The following SHISA9 variants were observed in gnomAD, a reference collection of about 807,000 sequenced individuals.
SHISA9 encodes shisa family member 9.
In SHISA9, 13 loss-of-function variants were observed where a neutral mutation model predicts 38.0. That is an observed-to-expected ratio of 0.34 (90% CI 0.22 to 0.54). The LOEUF is 0.54. Ranked by LOEUF, SHISA9 falls within the 20% of genes least tolerant of loss-of-function variation. The probability of loss-of-function intolerance (pLI) is 0.91; values close to 1 mark genes in which losing one functional copy is unlikely to be tolerated. For synonymous variants in SHISA9, 275 were observed against 242.0 expected (o/e 1.14, Z -1.27); for missense variants, 538 against 575.8 (o/e 0.93, Z 0.67).
the SHISA9 span, among the ~76,000 whole-genome samples, chr16:13,476,738 GTTTTTTTTT>G: frequency 0.026 from 1,711 of 65,118 alleles, 23 homozygotes; most frequent in African/African-American, 0.082. Context: ...CCTGTTTTGT[GTTTTTTTTT>G]TTTTTTTTTT....
chr16:13,559,580 T>C, the SHISA9 span, among the ~76,000 whole-genome samples: 1 of 152,030 alleles, frequency 6.6e-6, no homozygotes, highest in African/African-American at 2.4e-5. Context: ...ACAGGGTCTC[T>C]CTGTGTTTCC....
At chr16:13,053,010 C>T (rs2073270307) in intron 2 of SHISA9, among the ~76,000 whole-genome samples, 1 of 133,916 alleles carries the variant, frequency 7.5e-6, no homozygotes, top group Non-Finnish European at 1.5e-5. Flanking sequence ...GTTGCTCAGG[C>T]TGGAGTGCAG....
chr16:13,460,610 T>G, the SHISA9 span, among the ~76,000 whole-genome samples: 2 of 152,188 alleles, frequency 1.3e-5, no homozygotes, highest in Non-Finnish European at 2.9e-5. Context: ...ATGGATAGGT[T>G]CGAGTAGAAC....
chr16:13,019,764 TTTTCTTTCTTTCTTTC>T (rs548980425), intron 2 of SHISA9, among the ~76,000 whole-genome samples: 2,801 of 77,914 alleles, frequency 0.036, 71 homozygotes, highest in African/African-American at 0.04. Flanking sequence ...CTTTTCTTTC[TTTTCTTTCTTTCTTTC>T]TTTCTTTCTT....
chr16:13,154,558 C>A (rs1461118603), intron 2 of SHISA9, among the ~76,000 whole-genome samples: 1 of 152,174 alleles, frequency 6.6e-6, no homozygotes, highest in East Asian at 1.9e-4. Flanking sequence ...ACAGAGACCC[C>A]AGGCAATGTA....
At chr16:13,271,181 C>T in the SHISA9 span, among the ~76,000 whole-genome samples, 1 of 152,206 alleles carries the variant, frequency 6.6e-6, no homozygotes, top group Non-Finnish European at 1.5e-5. Flanking sequence ...AAGCTCAATG[C>T]AGAAGCAATG....
chr16:13,188,772 A>G lies in SHISA9; in HGVS notation c.692-14622A>G, dbSNP rs1477811481. 3.3e-5 allele frequency among the ~76,000 whole-genome samples: 5 copies of G among 151,966 alleles called. No homozygotes were observed. In the East Asian group the frequency reaches 9.6e-4, roughly 29 times the overall value. On this transcript the variant is annotated intron_variant, in intron 2 of 4. Coordinates refer to ENST00000558583, the MANE Select transcript of SHISA9 (RefSeq NM_001145204.3). ...GAAAACAAGAATTGAAAATAAATGA[A>G]AGTATTAATGTGAGTAAGGAAGAAA...
At chr16:12,933,583 A>G (rs186384789) in intron 2 of SHISA9, among the ~76,000 whole-genome samples, 1 of 152,294 alleles carries the variant, frequency 6.6e-6, no homozygotes, top group Admixed American at 6.5e-5. Context: ...GTGAGCCACC[A>G]TGACCAGCCC....
chr16:13,275,858 T>C, the SHISA9 span, among the ~76,000 whole-genome samples: 1 of 152,052 alleles, frequency 6.6e-6, no homozygotes. Context: ...CCCTCTTTTT[T>C]CTTGATTAGT....
chr16:12,966,050 A>G (rs1219013994), intron 2 of SHISA9, among the ~76,000 whole-genome samples: 1 of 152,116 alleles, frequency 6.6e-6, no homozygotes, highest in African/African-American at 2.4e-5. Context: ...CTATTGCAGG[A>G]TGTTTACTGG....
chr16:13,542,029 G>A, the SHISA9 span, among the ~76,000 whole-genome samples: 4 of 152,176 alleles, frequency 2.6e-5, no homozygotes, highest in Non-Finnish European at 5.9e-5. Context: ...CCTAAACCCA[G>A]TGAATATCCT....
In SHISA9 at chr16:12,902,867, T is replaced by TGTGTGTGTGTGAGA. The variant is rs1177790785; in HGVS notation, c.563+241_563+242insTGTGTGTGTGAGAG. On this transcript the variant is annotated intron_variant, in intron 1 of 4. Coordinates refer to ENST00000558583, the MANE Select transcript of SHISA9 (RefSeq NM_001145204.3). ...GTGTGAGCGTGTGTGTGTGTGTGTGTGACTCTGCTCCCTCACCCTCTGGCC... is the reference window on the plus strand; with the variant it reads ...GTGTGAGCGTGTGTGTGTGTGTGTGTGTGTGTGTGTGAGAGACTCTGCTCCCTCACCCTCTGGCC... The TGTGTGTGTGTGAGA allele has an allele frequency of 6.0e-6, 3 of 503,266 alleles. No homozygotes were observed. In the East Asian group the frequency reaches 1.0e-4, roughly 17 times the overall value. The allele number at this position is 503,266 out of a possible 1,614,324, so 31.2% of individuals were successfully genotyped here.
intron 1 of SHISA9, chr16:12,910,478 A>C (rs565151194): frequency 7.1e-6 from 7 of 985,342 alleles, no homozygotes; most frequent in Admixed American, 6.1e-5. Flanking sequence ...AATGTACAAG[A>C]AAGTTGAGCC....
the SHISA9 span, among the ~76,000 whole-genome samples, chr16:13,345,745 C>T: frequency 2.4e-4 from 36 of 152,274 alleles, no homozygotes; most frequent in African/African-American, 8.2e-4. Context: ...TTTTTCTCCA[C>T]GACCTCACCA....
the SHISA9 span, among the ~76,000 whole-genome samples, chr16:13,259,416 A>G: frequency 1.3e-5 from 2 of 152,140 alleles, no homozygotes; most frequent in African/African-American, 2.4e-5. Context: ...TGGATCTACT[A>G]TTCTGTACAC....
intron 2 of SHISA9, among the ~76,000 whole-genome samples, chr16:13,029,928 C>T (rs533026208): frequency 1.3e-5 from 2 of 152,240 alleles, no homozygotes; most frequent in South Asian, 2.1e-4. Context: ...TGACCCTAGG[C>T]AATTTATTCA....
At chr16:13,018,688 A>C (rs1044730756) in intron 2 of SHISA9, among the ~76,000 whole-genome samples, 4 of 152,212 alleles carry the variant, frequency 2.6e-5, no homozygotes, top group Admixed American at 6.5e-5. Context: ...CATCTGCTCA[A>C]AATCCTTTAT....
intron 1 of SHISA9, among the ~76,000 whole-genome samples, chr16:12,905,005 A>G (rs1179506314): frequency 2.0e-5 from 3 of 152,214 alleles, no homozygotes; most frequent in African/African-American, 7.2e-5. Flanking sequence ...GGCATGAGCC[A>G]CTGTGCCCGA....
the SHISA9 span, among the ~76,000 whole-genome samples, chr16:13,451,815 C>T: frequency 6.6e-6 from 1 of 152,192 alleles, no homozygotes; most frequent in African/African-American, 2.4e-5. Context: ...CCTGGCAAGT[C>T]GCCGATGTGA....
Sources: gnomAD v4.1 joint callset for allele counts (sites outside exome capture counted in the v4.1 genomes callset) on GRCh38, gnomAD v4.1.1 for gene constraint, MANE v1.5 for transcripts, NCBI Gene and HGNC (gene_info 2026-07-23, HGNC 2026-07-21) for gene names.